The following VPS13C variants were observed in gnomAD, a reference collection of about 807,000 sequenced individuals.
VPS13C encodes intermembrane lipid transfer protein VPS13C.
In VPS13C, 358 loss-of-function variants were observed where a neutral mutation model predicts 456.8. The ratio of observed to expected loss-of-function variants is 0.78; its 90% CI spans 0.72 to 0.86. VPS13C has a LOEUF of 0.86. Ranked by LOEUF, VPS13C falls within the 40% of genes least tolerant of loss-of-function variation. The probability of loss-of-function intolerance (pLI) is 0.00; values close to 1 mark genes in which losing one functional copy is unlikely to be tolerated. For missense variants in VPS13C, 4,818 were observed against 4,385.4 expected (o/e 1.10, Z -2.79); for synonymous variants, 1,578 against 1,486.7 (o/e 1.06, Z -1.41).
intron 12 of VPS13C, among the ~76,000 whole-genome samples, chr15:62,010,933 T>C (rs923287325): frequency 6.6e-6 from 1 of 152,172 alleles, no homozygotes; most frequent in African/African-American, 2.4e-5. Flanking sequence ...ATTTAATGAT[T>C]GTATTATTCA....
chr15:61,854,961 C>A lies in VPS13C; in HGVS notation c.11077-7G>T. 2 of 1,579,284 alleles carry A rather than the reference C, an allele frequency of 1.3e-6. No individual in the cohort carries two copies. The highest frequency in any genetic ancestry group is 2.3e-5 in the East Asian group (1 of 44,380). ...TGTGGAACAGACCCTGTTCCTGTTT[C>A]AAAAGAAACAATGACAGAAAAGAAA... On this transcript the variant is annotated splice_region_variant and splice_polypyrimidine_tract_variant and intron_variant, in intron 83 of 84. Transcript: ENST00000644861.
Position 61,890,472 on chromosome 15 carries a change from CAG to C in VPS13C, c.9106-74_9106-73del, listed in dbSNP as rs1335689123. The C allele has an allele frequency of 4.5e-6, 6 of 1,343,346 alleles. No individual in the cohort carries two copies. The African/African-American group carries it at 5.9e-5, about 13-fold the overall frequency. 83.2% of individuals were successfully genotyped at this position (1,343,346 alleles called of 1,614,324 possible). A position where few individuals can be genotyped will look rare whatever the true frequency, so the allele number is the denominator to read the frequency against. On this transcript the variant is annotated intron_variant, in intron 66 of 84. Coordinates refer to ENST00000644861, the MANE Select transcript of VPS13C (RefSeq NM_020821.3). ...ATTATATAAAATTGAACTATAATAA[CAG>C]AAAGATTAGAAAAGTTTAAGAAGCA...
chr15:61,999,098 G>T (rs1238481101), intron 16 of VPS13C, among the ~76,000 whole-genome samples: 6 of 152,126 alleles, frequency 3.9e-5, no homozygotes, highest in African/African-American at 1.4e-4. Context: ...TTATACACAG[G>T]CCAGGCACGG....
chr15:62,006,620 A>C lies in VPS13C; in HGVS notation c.1290+688T>G, dbSNP rs559525531. Among the ~76,000 whole-genome samples the C allele has an allele frequency of 2.0e-5, 3 of 152,364 alleles. No individual in the cohort carries two copies. In the South Asian group the frequency reaches 6.2e-4, roughly 32 times the overall value. On this transcript the variant is annotated intron_variant, in intron 15 of 84. Transcript: ENST00000644861. The stretch of plus-strand genomic sequence containing the variant: ...TTTATAATCCTTTGGGTACATACCC[A>C]GTAACGGGATGGCTGGGTCAAATGG...
chr15:61,984,053 C>A (rs755064830), intron 19 of VPS13C, 41 bp from the exon 20 acceptor site: 26 of 1,558,454 alleles, frequency 1.7e-5, no homozygotes, highest in African/African-American at 2.7e-5. Context: ...CAGACAAGGT[C>A]TTTTGTAATC....
intron 66 of VPS13C, among the ~76,000 whole-genome samples, chr15:61,899,453 C>T (rs1402074722): frequency 1.3e-5 from 2 of 152,124 alleles, no homozygotes; most frequent in Admixed American, 1.3e-4. Context: ...ATACAAACTA[C>T]CTCTACGCAA....
At chr15:62,048,179 T>C (rs1255032678) in intron 1 of VPS13C, among the ~76,000 whole-genome samples, 7 of 151,484 alleles carry the variant, frequency 4.6e-5, no homozygotes, top group Non-Finnish European at 2.9e-5. Context: ...TATGTATACA[T>C]GTGCCATGTT....
At chr15:62,013,636 T>C (rs180695003) in intron 10 of VPS13C, among the ~76,000 whole-genome samples, 1 of 152,172 alleles carries the variant, frequency 6.6e-6, no homozygotes, top group African/African-American at 2.4e-5. Flanking sequence ...TAATCAATAA[T>C]CTTACTTGAT....
intron 20 of VPS13C, 62 bp from the exon 21 acceptor site, chr15:61,982,635 C>G: frequency 8.6e-7 from 1 of 1,161,614 alleles, no homozygotes. Context: ...TTGTAAACTT[C>G]AAAGTTTCAC....
chr15:62,033,513 T>C lies in VPS13C; in HGVS notation c.313A>G (p.Lys105Glu), dbSNP rs1460613285. 6.2e-7 allele frequency: 1 copy of C among 1,606,268 alleles called. No homozygotes were observed. The highest frequency in any genetic ancestry group is 1.7e-5 in the Admixed American group (1 of 59,308). The change falls in exon 5 of 85, where the codon AAA (lysine) becomes GAA (glutamate). Residue 105 changes from lysine (K) to glutamate (E), a missense_variant. Lys to Glu is a moderately conservative substitution (Grantham distance 56, BLOSUM62 1). Transcript: ENST00000644861. ...TTCTGTTTAACATCCTGCAAGGATT[T>C]TTCTTCTTTTACAGCATCATACTTA... ...SIKYDAVKEE[K>E]SLQDVKQKEL...
chr15:62,013,565 A>C (rs2047121336), intron 10 of VPS13C, among the ~76,000 whole-genome samples: 1 of 152,034 alleles, frequency 6.6e-6, no homozygotes, highest in African/African-American at 2.4e-5. Flanking sequence ...AACATATCTA[A>C]AGCTCTATAG....
intron 67 of VPS13C, among the ~76,000 whole-genome samples, chr15:61,885,464 G>A (rs1896196904): frequency 6.6e-6 from 1 of 152,052 alleles, no homozygotes; most frequent in South Asian, 2.1e-4. Context: ...AACTCAAAGA[G>A]TACAATAAAA....
chr15:61,921,320 C>T (rs1328546938), intron 55 of VPS13C, among the ~76,000 whole-genome samples: 1 of 152,018 alleles, frequency 6.6e-6, no homozygotes, highest in Non-Finnish European at 1.5e-5. Flanking sequence ...AAGAAGTATG[C>T]TACGACAATT....
At chr15:61,856,090 T>C (rs987451935) in intron 83 of VPS13C, among the ~76,000 whole-genome samples, 196 bp downstream of exon 83, 2 of 152,184 alleles carry the variant, frequency 1.3e-5, no homozygotes, top group African/African-American at 4.8e-5. Context: ...GTGGGTAGAC[T>C]GATATTTCAC....
intron 42 of VPS13C, 114 bp from the exon 43 acceptor site, chr15:61,947,423 G>C: frequency 3.0e-6 from 2 of 669,982 alleles, no homozygotes; most frequent in Non-Finnish European, 5.1e-6. Context: ...GAACCAAAAT[G>C]CCCTCCATTA....
intron 37 of VPS13C, among the ~76,000 whole-genome samples, chr15:61,955,392 G>A (rs1306293026): frequency 1.3e-5 from 2 of 152,100 alleles, no homozygotes; most frequent in African/African-American, 4.8e-5. Flanking sequence ...GTCTTCACTC[G>A]CCACTGTCCC....
chr15:61,875,795 G>A lies in VPS13C; in HGVS notation c.10275C>T (p.Asn3425=), dbSNP rs763749304. 14 of 1,607,896 alleles carry A rather than the reference G, an allele frequency of 8.7e-6. No individual in the cohort carries two copies. The highest frequency in any genetic ancestry group is 1.2e-5 in the Non-Finnish European group (14 of 1,177,912). ...VLVLGLDVLG[N]PFGLIRGLSE... is the part of the protein sequence containing the mutation. ...ACAGACCTCTAATTAATCCAAATGG[G>A]TTTCCAAGTACATCTAACCCCAATA... Residue 3425 remains asparagine (N), a synonymous_variant, in exon 76 of 85, where the codon AAC becomes AAT. Transcript: ENST00000644861.
In VPS13C at chr15:61,958,686, A is replaced by C. The variant is rs776355138; in HGVS notation, c.4087T>G (p.Leu1363Val). The C allele has an allele frequency of 6.4e-7, 1 of 1,562,788 alleles. No individual in the cohort carries two copies. The highest frequency in any genetic ancestry group is 8.6e-7 in the Non-Finnish European group (1 of 1,158,488). Residue 1363 changes from leucine to valine, a missense_variant, in exon 37 of 85, where the codon TTA becomes GTA. Physicochemically the swap from Leu to Val is conservative, Grantham distance 32. Coordinates refer to ENST00000644861, the MANE Select transcript of VPS13C (RefSeq NM_020821.3). ...VSLNQEDLNL[L>V]FRILTENLCE... is the part of the protein sequence containing the mutation. ...AGATTTTCTGTTAGTATCCTAAATAAAAGATTAAGATCTTCTTGATTTAGA... is the reference window on the plus strand; with the variant it reads ...AGATTTTCTGTTAGTATCCTAAATACAAGATTAAGATCTTCTTGATTTAGA...
Position 61,933,781 on chromosome 15 carries a change from T to G in VPS13C, c.5868+438A>C, listed in dbSNP as rs139468843. On this transcript the variant is annotated intron_variant, in intron 49 of 84. Transcript: ENST00000644861. ...TCTACTACATATAACATTTATTCAATAGAAACACAATTAATGCTTATATAC... is the reference window on the plus strand; with the variant it reads ...TCTACTACATATAACATTTATTCAAGAGAAACACAATTAATGCTTATATAC... Among the ~76,000 whole-genome samples, 722 of 152,140 alleles carry G rather than the reference T, an allele frequency of 4.7e-3. 2 individuals carry two copies. Among genetic ancestry groups the G allele is most frequent in the Middle Eastern group, 0.01 (3 of 292 alleles).
Sources: gnomAD v4.1 joint callset for allele counts (sites outside exome capture counted in the v4.1 genomes callset) on GRCh38, gnomAD v4.1.1 for gene constraint, MANE v1.5 for transcripts, NCBI Gene and HGNC (gene_info 2026-07-23, HGNC 2026-07-21) for gene names.